PCDHGB1: variants seen among roughly 807,000 people sequenced by gnomAD.
The protein encoded by PCDHGB1 is protocadherin gamma-B1.
PCDHGB1 carries 34 observed loss-of-function variants against 56.6 expected under a neutral mutation model. That is an observed-to-expected ratio of 0.60 (90% CI 0.46 to 0.80). The LOEUF (loss-of-function observed/expected upper bound fraction) is 0.80, where lower values mean the gene tolerates loss of function less well. Among genes scored for constraint, PCDHGB1 ranks in the 30% least tolerant of loss-of-function variants. The probability of loss-of-function intolerance (pLI) is 0.00; values close to 1 mark genes in which losing one functional copy is unlikely to be tolerated. For missense variants in PCDHGB1, 1,278 were observed against 1,204.6 expected, an observed-to-expected ratio of 1.06 and a Z score of -0.90; for synonymous variants, 561 against 505.9, an observed-to-expected ratio of 1.11 and a Z score of -1.46.
At position 141,351,215 on chromosome 5, in the gene PCDHGB1, G is replaced by A; in HGVS notation, c.955G>A (p.Asp319Asn). 6.2e-7 allele frequency: 1 copy of A among 1,614,064 alleles called. No individual in the cohort carries two copies. The highest frequency in any genetic ancestry group is 1.1e-5 in the South Asian group (1 of 91,088). ...SRYVLSVEAK[D>N]GGVHTAHCNV... ...ATATGTGTTGAGTGTGGAAGCTAAG[G>A]ATGGAGGAGTACACACAGCTCACTG... The change falls in exon 1 of 4, where the codon GAT becomes AAT. Residue 319 changes from aspartate (D) to asparagine (N), a missense_variant. Transcript: ENST00000523390.
At chr5:141,395,264 A>G in intron 1 of PCDHGB1, 1 of 1,549,832 alleles carries the variant, frequency 6.5e-7, no homozygotes, top group Non-Finnish European at 8.7e-7. Flanking sequence ...GCTTGCTTTT[A>G]ATTTCCAGAT....
chr5:141,437,434 G>A (rs183505868), intron 1 of PCDHGB1, among the ~76,000 whole-genome samples: 409 of 152,312 alleles, frequency 2.7e-3, no homozygotes, highest in Middle Eastern at 6.8e-3. Flanking sequence ...AGCAGCAATA[G>A]CATAGGAATG....
At chr5:141,399,628 G>C in intron 1 of PCDHGB1, 1 of 1,613,890 alleles carries the variant, frequency 6.2e-7, no homozygotes, top group Non-Finnish European at 8.5e-7. Flanking sequence ...GGCCTCTTAC[G>C]TGTCCATGAG....
At chr5:141,378,945 G>A (rs1775265317) in intron 1 of PCDHGB1, 1 of 152,196 alleles carries the variant, frequency 6.6e-6, no homozygotes, top group Admixed American at 6.5e-5. Context: ...TGGAATGAAT[G>A]GAGTACAGGG....
chr5:141,365,691 A>C, intron 1 of PCDHGB1: 5 of 1,613,420 alleles, frequency 3.1e-6, no homozygotes, highest in Non-Finnish European at 4.2e-6. Context: ...AATTTCCCTC[A>C]AGCCTCCTAC....
At chr5:141,367,142 G>A (rs1224581067) in intron 1 of PCDHGB1, 1 of 171,748 alleles carries the variant, frequency 5.8e-6, no homozygotes, top group African/African-American at 2.4e-5. Flanking sequence ...AAAGGATAAT[G>A]TATAGGACTG....
chr5:141,398,356 G>C (rs1242233046), intron 1 of PCDHGB1: 7 of 1,409,380 alleles, frequency 5.0e-6, no homozygotes, highest in East Asian at 2.4e-5. Context: ...TTACTTCACC[G>C]TGAGCGCAGA....
In PCDHGB1 at chr5:141,490,274, A is replaced by G. The variant is rs1285515971; in HGVS notation, c.2410-4533A>G. The G allele has an allele frequency of 6.2e-7, 1 of 1,614,228 alleles. No individual in the cohort carries two copies. Among genetic ancestry groups the G allele is most frequent in the Non-Finnish European group, 8.5e-7 (1 of 1,180,038 alleles). On this transcript the variant is annotated intron_variant, in intron 1 of 3. Transcript: ENST00000523390. This position sits in a 1 kb window ranked among gnomAD's most constrained non-coding sequence, Gnocchi z 5.4. ...CAAGTGGATGTGGGGGATGTCAATGACAATGCCCCAGAGGTGCTATTGGCC... is the reference window on the plus strand; with the variant it reads ...CAAGTGGATGTGGGGGATGTCAATGGCAATGCCCCAGAGGTGCTATTGGCC...
intron 1 of PCDHGB1, chr5:141,357,069 A>G (rs777295000): frequency 3.1e-6 from 5 of 1,613,964 alleles, no homozygotes; most frequent in Non-Finnish European, 4.2e-6. Context: ...GGCTGCACAC[A>G]GGCGAGGTGC....
At chr5:141,466,004 C>T (rs1336655723) in intron 1 of PCDHGB1, among the ~76,000 whole-genome samples, 1 of 151,920 alleles carries the variant, frequency 6.6e-6, no homozygotes, top group Non-Finnish European at 1.5e-5. Flanking sequence ...CACCTGTAGT[C>T]CCAGCTACTC....
In PCDHGB1 at chr5:141,350,142, T is replaced by A; in HGVS notation, c.-119T>A. 2.4e-6 allele frequency: 2 copies of A among 831,992 alleles called. No homozygotes were observed. Among genetic ancestry groups the A allele is most frequent in the Non-Finnish European group, 3.4e-6 (2 of 581,142 alleles). The allele number at this position is 831,992 out of a possible 1,614,324, so 51.5% of individuals were successfully genotyped here. A position where few individuals can be genotyped will look rare whatever the true frequency, so the allele number is the denominator to read the frequency against. ...GTGCACTGAGCACAGACGCTGCTCC[T>A]GTTCACCCTCGAGCGCCTAACTAAT... On this transcript the variant is annotated 5_prime_UTR_variant, in exon 1 of 4. Coordinates refer to ENST00000523390, the MANE Select transcript of PCDHGB1 (RefSeq NM_018922.3).
intron 1 of PCDHGB1, chr5:141,356,746 GCT>G: frequency 1.2e-6 from 2 of 1,613,970 alleles, no homozygotes. Flanking sequence ...GATCCTATAT[GCT>G]CTTTGCTCCT....
chr5:141,432,663 G>A lies in PCDHGB1; in HGVS notation c.2410-62144G>A. ...CGCACGGCGCGAGCCCTGCTGGACA[G>A]AGACGCGCTCAAGCAGAGCCTCGTA... On this transcript the variant is annotated intron_variant, in intron 1 of 3. Coordinates refer to ENST00000523390, the MANE Select transcript of PCDHGB1 (RefSeq NM_018922.3). This position sits in a 1 kb window ranked among gnomAD's most constrained non-coding sequence, Gnocchi z 6.0. 1 of 1,613,886 alleles carries A rather than the reference G, an allele frequency of 6.2e-7. No individual in the cohort carries two copies. Among genetic ancestry groups the A allele is most frequent in the Non-Finnish European group, 8.5e-7 (1 of 1,179,952 alleles).
chr5:141,395,190 A>T (rs769197632), intron 1 of PCDHGB1: 1 of 1,614,028 alleles, frequency 6.2e-7, no homozygotes, highest in East Asian at 2.2e-5. Context: ...TTCTTTGTTA[A>T]CATCCGTAGA....
rs771124496 is a variant in PCDHGB1, at chr5:141,489,457, C to A, written c.2410-5350C>A. The A allele has an allele frequency of 6.2e-7, 1 of 1,613,882 alleles. No homozygotes were observed. The highest frequency in any genetic ancestry group is 8.5e-7 in the Non-Finnish European group (1 of 1,179,984). ...GCAATTGGGCTCTGAGGAGAATGGG[C>A]GCTATTTTTCCCTGAGCTTGATGAG... On this transcript the variant is annotated intron_variant, in intron 1 of 3. Coordinates refer to ENST00000523390, the MANE Select transcript of PCDHGB1 (RefSeq NM_018922.3). This position sits in a 1 kb window ranked among gnomAD's most constrained non-coding sequence, Gnocchi z 4.5.
At chr5:141,452,742 G>C (rs779371001) in intron 1 of PCDHGB1, among the ~76,000 whole-genome samples, 7 of 152,010 alleles carry the variant, frequency 4.6e-5, no homozygotes, top group Non-Finnish European at 8.8e-5. Context: ...GGAAGAGAGA[G>C]AAGGAAGAAG....
chr5:141,389,321 G>T (rs570682726), intron 1 of PCDHGB1: 1 of 1,613,982 alleles, frequency 6.2e-7, no homozygotes. Context: ...ATCCGGACTT[G>T]GGGCCCAACG....
chr5:141,399,830 C>G (rs1304936728), intron 1 of PCDHGB1: 1 of 1,613,192 alleles, frequency 6.2e-7, no homozygotes. Flanking sequence ...CCCGACGGCT[C>G]TGCGCTCTTC....
intron 1 of PCDHGB1, chr5:141,374,021 CA>C (rs1013436249): frequency 5.0e-6 from 7 of 1,406,050 alleles, no homozygotes; most frequent in Non-Finnish European, 6.5e-6. Context: ...CTGAGAAGAG[CA>C]AAAGTGATGC....
Sources: allele counts gnomAD v4.1 joint callset (sites outside exome capture counted in the v4.1 genomes callset), GRCh38; gene constraint gnomAD v4.1.1; non-coding constraint Gnocchi (gnomAD v3.1); transcripts MANE v1.5; gene names NCBI Gene and HGNC (gene_info 2026-07-23, HGNC 2026-07-21).